The following DDHD1 variants were observed in gnomAD, a reference collection of about 807,000 sequenced individuals.
The protein encoded by DDHD1 is DDHD domain containing 1, also known as phospholipase DDHD1.
DDHD1 carries 49 observed loss-of-function variants against 96.4 expected under a neutral mutation model. That is an observed-to-expected ratio of 0.51 (90% CI 0.40 to 0.64). The LOEUF is 0.64. Ranked by LOEUF, DDHD1 falls within the 30% of genes least tolerant of loss-of-function variation. The pLI is 0.00. For synonymous variants in DDHD1, 442 were observed against 446.5 expected (o/e 0.99, Z 0.13); for missense variants, 1,106 against 1,161.2 (o/e 0.95, Z 0.69).
intron 1 of DDHD1, among the ~76,000 whole-genome samples, chr14:53,105,662 T>G (rs570688062): frequency 2.6e-5 from 4 of 152,322 alleles, no homozygotes; most frequent in Non-Finnish European, 5.9e-5. Flanking sequence ...TTATTTTTGA[T>G]GGTTGGAATC....
At chr14:53,132,335 T>C (rs765449545) in intron 1 of DDHD1, among the ~76,000 whole-genome samples, 29 of 152,332 alleles carry the variant, frequency 1.9e-4, no homozygotes, top group Admixed American at 4.6e-4. Flanking sequence ...ATGACCCCCA[T>C]GACTGCATCT....
chr14:53,079,548 T>A (rs1022967203), intron 4 of DDHD1, among the ~76,000 whole-genome samples: 2 of 152,242 alleles, frequency 1.3e-5, no homozygotes, highest in African/African-American at 4.8e-5. Flanking sequence ...CTTTGTAGCA[T>A]AGAATTGTGC....
chr14:53,080,353 T>C (rs568734493), intron 4 of DDHD1, among the ~76,000 whole-genome samples: 1 of 152,094 alleles, frequency 6.6e-6, no homozygotes, highest in African/African-American at 2.4e-5. Context: ...AGAGCAAAAC[T>C]CTCTCCAAAA....
In DDHD1 at chr14:53,153,271, C is replaced by A. The variant is rs1321396275; in HGVS notation, c.-173G>T. The A allele has an allele frequency of 2.3e-5, 11 of 477,022 alleles. No individual in the cohort carries two copies. The highest frequency in any genetic ancestry group is 1.4e-5 in the Non-Finnish European group (4 of 291,666). 29.5% of individuals were successfully genotyped at this position (477,022 alleles called of 1,614,324 possible). On this transcript the variant is annotated 5_prime_UTR_variant, in exon 1 of 13. Coordinates refer to ENST00000673822, the MANE Select transcript of DDHD1 (RefSeq NM_001160148.2). ...CCGCCCCCACGAGACCCGCAGCCGCCGCAGCTGCGTTCTGCCGCCGGCCCC... is the reference window on the plus strand; with the variant it reads ...CCGCCCCCACGAGACCCGCAGCCGCAGCAGCTGCGTTCTGCCGCCGGCCCC...
chr14:53,101,338 GATATAA>G (rs1251421639), intron 2 of DDHD1, among the ~76,000 whole-genome samples: 1 of 151,946 alleles, frequency 6.6e-6, no homozygotes, highest in Admixed American at 6.6e-5. Flanking sequence ...AATGTAACAA[GATATAA>G]ATATATGTTT....
At chr14:53,088,045 C>T (rs538586384) in intron 4 of DDHD1, among the ~76,000 whole-genome samples, 4 of 152,132 alleles carry the variant, frequency 2.6e-5, no homozygotes, top group South Asian at 2.1e-4. Context: ...CACCTCTATG[C>T]GAATAAACCA....
rs1886606157 is a variant in DDHD1, at chr14:53,093,426, A to T, written c.1031T>A (p.Leu344Ter). Reference sequence around the variant, plus strand: ...GTGCCAGTCCACATGGTTTCGACTCAACTTGAAACTATGAACAGCTATTGC... The same window carrying T: ...GTGCCAGTCCACATGGTTTCGACTCTACTTGAAACTATGAACAGCTATTGC... ...DGKDAVHSFK[L>*]SRNHVDWHSV... The change falls in exon 3 of 13, where the codon TTG (leucine) becomes TAG (stop). Residue 344 changes from leucine to a stop codon, truncating the protein, a stop_gained. Coordinates refer to ENST00000673822, the MANE Select transcript of DDHD1 (RefSeq NM_001160148.2). LOFTEE classifies it high-confidence loss of function. 1.2e-6 allele frequency: 2 copies of T among 1,611,496 alleles called. No homozygotes were observed. Among genetic ancestry groups the T allele is most frequent in the Non-Finnish European group, 1.7e-6 (2 of 1,179,322 alleles).
chr14:53,097,981 C>T (rs1330205454), intron 2 of DDHD1, among the ~76,000 whole-genome samples: 2 of 151,816 alleles, frequency 1.3e-5, no homozygotes, highest in Admixed American at 6.6e-5. Context: ...AAGTCATTTG[C>T]TTTATTTATT....
intron 1 of DDHD1, among the ~76,000 whole-genome samples, chr14:53,147,212 G>T (rs940233272): frequency 6.6e-6 from 1 of 152,060 alleles, no homozygotes; most frequent in African/African-American, 2.4e-5. Context: ...CCACAAAAAA[G>T]GATCAACTGT....
intron 4 of DDHD1, among the ~76,000 whole-genome samples, chr14:53,074,767 G>A (rs997572162): frequency 1.3e-5 from 2 of 151,912 alleles, no homozygotes; most frequent in Non-Finnish European, 1.5e-5. Context: ...TTAAAAAATT[G>A]CACTCTGCAG....
chr14:53,148,885 A>G (rs1891170623), intron 1 of DDHD1, among the ~76,000 whole-genome samples: 1 of 152,210 alleles, frequency 6.6e-6, no homozygotes, highest in African/African-American at 2.4e-5. Flanking sequence ...CAATGTGCCA[A>G]CCACTGTAAT....
intron 3 of DDHD1, chr14:53,092,750 T>G (rs1282596650): frequency 1.3e-5 from 2 of 152,256 alleles, no homozygotes; most frequent in African/African-American, 4.8e-5. Flanking sequence ...GAGGCTGAGT[T>G]TGGAGGATTG....
rs766793704 is a variant in DDHD1 at position 53,152,931 on chromosome 14, CA to C, written c.167del (p.Leu56ArgfsTer104). 8 of 1,603,594 alleles carry C rather than the reference CA, an allele frequency of 5.0e-6. No individual in the cohort carries two copies. ...GGDPDDGDVP[L>X]ALLRGEPGLH... ...GCCCGGGTTCCCCGCGCAGCAGGGC[CA>C]GGGGCACGTCGCCGTCGTCCGGGTC... is the stretch of plus-strand genomic sequence containing the variant. On this transcript the variant is annotated frameshift_variant, in exon 1 of 13. Coordinates refer to ENST00000673822, the MANE Select transcript of DDHD1 (RefSeq NM_001160148.2). LOFTEE classifies it high-confidence loss of function.
intron 6 of DDHD1, among the ~76,000 whole-genome samples, chr14:53,065,916 A>C (rs1883973473): frequency 6.6e-6 from 1 of 152,252 alleles, no homozygotes; most frequent in African/African-American, 2.4e-5. Context: ...TAACAGAATA[A>C]GTCTATTAAA....
In DDHD1 at chr14:53,055,760, A is replaced by G. The variant is rs1882992889; in HGVS notation, c.2145T>C (p.Asn715=). The G allele has an allele frequency of 3.7e-6, 6 of 1,614,172 alleles. No homozygotes were observed. Among genetic ancestry groups the G allele is most frequent in the Non-Finnish European group, 4.2e-6 (5 of 1,180,022 alleles). Residue 715 remains asparagine, a synonymous_variant, in exon 10 of 13, where the codon AAT becomes AAC. Coordinates refer to ENST00000673822, the MANE Select transcript of DDHD1 (RefSeq NM_001160148.2). ...PAKEPTSVSE[N]EGISTIPSPV... ...GGCTTGGTATGGTTGAAATGCCTTC[A>G]TTCTCTGAAACTGAGGTAGGTTCTT...
chr14:53,100,322 A>T lies in DDHD1; in HGVS notation c.1012+3361T>A, dbSNP rs181455469. Reference sequence around the variant, plus strand: ...GAGACCCTGTCTCTACAAAAAATTTAAAAAAAAAATTAGCCTGGTGTGGTA... The same window carrying T: ...GAGACCCTGTCTCTACAAAAAATTTTAAAAAAAAATTAGCCTGGTGTGGTA... On this transcript the variant is annotated intron_variant, in intron 2 of 12. Transcript: ENST00000673822. 1.6e-3 allele frequency among the ~76,000 whole-genome samples: 233 copies of T among 150,264 alleles called. 4 individuals are homozygous for T. The highest frequency in any genetic ancestry group is 4.9e-3 in the African/African-American group (203 of 41,014).
At chr14:53,133,737 C>G (rs1677297899) in intron 1 of DDHD1, among the ~76,000 whole-genome samples, 1 of 152,160 alleles carries the variant, frequency 6.6e-6, no homozygotes, top group Non-Finnish European at 1.5e-5. Context: ...TGACTATCTT[C>G]CAGTCCTCCA....
intron 4 of DDHD1, among the ~76,000 whole-genome samples, chr14:53,090,995 T>C (rs1370236220): frequency 1.3e-5 from 2 of 152,194 alleles, no homozygotes; most frequent in Non-Finnish European, 2.9e-5. Context: ...GCTGAGGACA[T>C]ACTTTCTGGT....
chr14:53,148,394 C>A (rs867809133), intron 1 of DDHD1, among the ~76,000 whole-genome samples: 3 of 151,928 alleles, frequency 2.0e-5, no homozygotes, highest in Admixed American at 2.0e-4. Flanking sequence ...CTCACTGCAA[C>A]CACTGCCTCC....
Sources: allele counts gnomAD v4.1 joint callset (sites outside exome capture counted in the v4.1 genomes callset), GRCh38; gene constraint gnomAD v4.1.1; transcripts MANE v1.5; gene names NCBI Gene and HGNC (gene_info 2026-07-23, HGNC 2026-07-21).